RBPMS: variants seen among roughly 807,000 people sequenced by gnomAD.
RBPMS encodes RNA-binding protein with multiple splicing.
Under a neutral mutation model 26.8 loss-of-function variants are expected in RBPMS, and 7 were observed. The observed-to-expected ratio is 0.26, with a 90% CI of 0.15 to 0.49. RBPMS has a LOEUF of 0.49. RBPMS is among the 20% of genes least tolerant of loss of function. RBPMS has a pLI of 0.98. For missense variants in RBPMS, 186 were observed against 250.0 expected, an observed-to-expected ratio of 0.74 and a Z score of 1.73; for synonymous variants, 96 against 93.3, an observed-to-expected ratio of 1.03 and a Z score of -0.17.
At chr8:30,497,521 G>T (rs62505144) in intron 4 of RBPMS, among the ~76,000 whole-genome samples, 30,301 of 152,012 alleles carry the variant, frequency 0.2, 3,312 homozygotes, top group South Asian at 0.39. Flanking sequence ...ACTCCAGCCC[G>T]GGTGACAGAG....
intron 7 of RBPMS, among the ~76,000 whole-genome samples, chr8:30,563,056 T>A (rs1827628142): frequency 6.6e-6 from 1 of 152,192 alleles, no homozygotes; most frequent in Non-Finnish European, 1.5e-5. Flanking sequence ...TGGACACATG[T>A]ACAGGAGAGG....
At chr8:30,555,793 T>G in intron 6 of RBPMS, 2 of 717,264 alleles carry the variant, frequency 2.8e-6, no homozygotes, top group Non-Finnish European at 3.4e-6. Context: ...CCTTATGGGA[T>G]GGGCAGGAGT....
At chr8:30,419,562 C>T (rs1188237504) in intron 1 of RBPMS, among the ~76,000 whole-genome samples, 3 of 151,616 alleles carry the variant, frequency 2.0e-5, no homozygotes, top group Non-Finnish European at 4.4e-5. Flanking sequence ...TGAGCACTGA[C>T]GTACCACAAG....
Position 30,479,260 on chromosome 8 carries a change from G to C in RBPMS, c.184-55G>C, listed in dbSNP as rs1818025997. On this transcript the variant is annotated intron_variant, in intron 3 of 8. Coordinates refer to ENST00000397323, the MANE Select transcript of RBPMS (RefSeq NM_001008710.3). Reference sequence around the variant, plus strand: ...TCAGTTTGATGTCACCCTTGACCTAGAAAAGTAGACATCATCTGATTTTTT... The same window carrying C: ...TCAGTTTGATGTCACCCTTGACCTACAAAAGTAGACATCATCTGATTTTTT... 5 of 1,330,076 alleles carry C rather than the reference G, an allele frequency of 3.8e-6. No homozygotes were observed. The Admixed American group carries it at 6.8e-5, about 18-fold the overall frequency. 82.4% of individuals were successfully genotyped at this position (1,330,076 alleles called of 1,614,324 possible).
intron 4 of RBPMS, among the ~76,000 whole-genome samples, chr8:30,502,213 A>C (rs1438448748): frequency 6.7e-6 from 1 of 149,278 alleles, no homozygotes; most frequent in Non-Finnish European, 1.5e-5. Flanking sequence ...TTTTAGTTCA[A>C]ATTGGGGGGC....
At chr8:30,514,674 G>C (rs1822098550) in intron 5 of RBPMS, among the ~76,000 whole-genome samples, 1 of 88,756 alleles carries the variant, frequency 1.1e-5, no homozygotes, top group African/African-American at 3.8e-5. Flanking sequence ...GAGCCACCAT[G>C]CCGGGCTTTT....
At chr8:30,456,221 T>A (rs1164136641) in intron 1 of RBPMS, among the ~76,000 whole-genome samples, 1 of 152,214 alleles carries the variant, frequency 6.6e-6, no homozygotes, top group Non-Finnish European at 1.5e-5. Flanking sequence ...AAGATGACAC[T>A]GCAAATAAAA....
intron 5 of RBPMS, among the ~76,000 whole-genome samples, chr8:30,539,612 CT>C (rs1202518345): frequency 6.8e-6 from 1 of 147,664 alleles, no homozygotes; most frequent in Admixed American, 6.8e-5. Context: ...TTTTTTTAAT[CT>C]TTTTTTTAAA....
At chr8:30,479,026 C>G (rs1818000288) in intron 3 of RBPMS, among the ~76,000 whole-genome samples, 2 of 152,206 alleles carry the variant, frequency 1.3e-5, no homozygotes. Flanking sequence ...AAGTTTTCCT[C>G]TATTCCCTTG....
Position 30,415,073 on chromosome 8 carries a change from T to TTTG in RBPMS, c.66+29916_66+29917insTGT, listed in dbSNP as rs1384866777. Among the ~76,000 whole-genome samples the TTTG allele has an allele frequency of 2.6e-5, 4 of 152,304 alleles. No individual in the cohort carries two copies. The East Asian group carries it at 7.7e-4, about 29-fold the overall frequency. On this transcript the variant is annotated intron_variant, in intron 1 of 8. Transcript: ENST00000397323. ...TCAAAGATCCAAGTGTCTACACCAC[T>TTTG]TCTAGCTGGATGCTAATGTGTCCAG... is the stretch of plus-strand genomic sequence containing the variant.
intron 5 of RBPMS, among the ~76,000 whole-genome samples, chr8:30,539,196 T>C (rs1231073344): frequency 6.6e-6 from 1 of 152,192 alleles, no homozygotes; most frequent in Non-Finnish European, 1.5e-5. Flanking sequence ...ATGGCTGCTG[T>C]TTTTCCTGGC....
intron 4 of RBPMS, among the ~76,000 whole-genome samples, chr8:30,491,816 G>A (rs1819427789): frequency 6.6e-6 from 1 of 152,122 alleles, no homozygotes; most frequent in South Asian, 2.1e-4. Flanking sequence ...AGAAGAGCTC[G>A]TTAAATGCAT....
At chr8:30,518,281 A>G (rs1257214836) in intron 5 of RBPMS, among the ~76,000 whole-genome samples, 2 of 152,296 alleles carry the variant, frequency 1.3e-5, no homozygotes, top group East Asian at 1.9e-4. Context: ...ATGGTCCCAC[A>G]TGGCTGAAAT....
At position 30,466,257 on chromosome 8, in the gene RBPMS, A is replaced by G. The variant is rs1188155436; in HGVS notation, c.67-8522A>G. 2.0e-5 allele frequency among the ~76,000 whole-genome samples: 3 copies of G among 152,344 alleles called. No individual in the cohort carries two copies. In the East Asian group the frequency reaches 5.8e-4, roughly 29 times the overall value. ...TAGAAAGGAAAGAGCAATGATTAAT[A>G]TTAAAATAGCCTAGGTGTGATAGCT... On this transcript the variant is annotated intron_variant, in intron 1 of 8. Transcript: ENST00000397323.
intron 7 of RBPMS, among the ~76,000 whole-genome samples, chr8:30,563,765 A>C (rs1361665994): frequency 6.6e-6 from 1 of 152,130 alleles, no homozygotes; most frequent in Non-Finnish European, 1.5e-5. Flanking sequence ...AGAGCTTAAC[A>C]AGGAGGAAAG....
intron 4 of RBPMS, among the ~76,000 whole-genome samples, chr8:30,496,597 T>C (rs1232672248): frequency 6.6e-6 from 1 of 152,244 alleles, no homozygotes; most frequent in Non-Finnish European, 1.5e-5. Context: ...TGATTTATGT[T>C]GACAAACCTG....
chr8:30,445,649 G>GATATATATATATATAT (rs59580323), intron 1 of RBPMS, among the ~76,000 whole-genome samples: 4,183 of 106,860 alleles, frequency 0.039, 252 homozygotes, highest in East Asian at 0.063. Flanking sequence ...TATACACACG[G>GATATATATATATATAT]ATATATATAT....
At position 30,437,710 on chromosome 8, in the gene RBPMS, G is replaced by C. The variant is rs187025588; in HGVS notation, c.67-37069G>C. Reference sequence around the variant, plus strand: ...GGAGGCTGAAGCAGGAGAATCACTTGAACTCGGGAGATGGAGGTTGCAGTG... The same window carrying C: ...GGAGGCTGAAGCAGGAGAATCACTTCAACTCGGGAGATGGAGGTTGCAGTG... On this transcript the variant is annotated intron_variant, in intron 1 of 8. Transcript: ENST00000397323. Among the ~76,000 whole-genome samples the C allele has an allele frequency of 5.3e-4, 81 of 151,476 alleles. 1 individual carries two copies. The highest frequency in any genetic ancestry group is 1.8e-3 in the African/African-American group (75 of 41,268).
chr8:30,568,009 G>T (rs1219834751), intron 8 of RBPMS, among the ~76,000 whole-genome samples: 1 of 152,174 alleles, frequency 6.6e-6, no homozygotes, highest in Admixed American at 6.5e-5. Context: ...ATTCTCCATG[G>T]GCCCCCAGGG....
Sources: allele counts gnomAD v4.1 joint callset (sites outside exome capture counted in the v4.1 genomes callset), GRCh38; gene constraint gnomAD v4.1.1; transcripts MANE v1.5; gene names NCBI Gene and HGNC (gene_info 2026-07-23, HGNC 2026-07-21).